GDPD1: variants seen among roughly 807,000 people sequenced by gnomAD.
GDPD1 encodes lysophospholipase D GDPD1.
A neutral mutation model predicts 45.1 loss-of-function variants in GDPD1; 28 were observed. The observed-to-expected ratio is 0.62, with a 90% CI of 0.46 to 0.85. The LOEUF (loss-of-function observed/expected upper bound fraction) is 0.85, where lower values mean the gene tolerates loss of function less well. GDPD1 is among the 40% of genes least tolerant of loss of function. The probability of loss-of-function intolerance (pLI) is 0.00; values close to 1 mark genes in which losing one functional copy is unlikely to be tolerated. For missense variants in GDPD1, 256 were observed against 364.8 expected (o/e 0.70, Z 2.43); for synonymous variants, 139 against 131.4 (o/e 1.06, Z -0.40).
At chr17:59,257,898 A>G in intron 6 of GDPD1, 58 bp downstream of exon 6, 1 of 1,130,934 alleles carries the variant, frequency 8.8e-7, no homozygotes, top group East Asian at 2.5e-5. Flanking sequence ...GTATCTACAA[A>G]TGATAAGTTA....
chr17:59,245,808 G>T (rs558156405), intron 3 of GDPD1, among the ~76,000 whole-genome samples: 6 of 152,014 alleles, frequency 3.9e-5, no homozygotes, highest in Non-Finnish European at 8.8e-5. Context: ...GACATAGCAA[G>T]ACTCCATCTT....
intron 6 of GDPD1, among the ~76,000 whole-genome samples, chr17:59,263,050 T>C (rs1351306399): frequency 6.6e-6 from 1 of 152,190 alleles, no homozygotes; most frequent in Non-Finnish European, 1.5e-5. Context: ...GAATAAATTA[T>C]GTAGTCTAAT....
chr17:59,238,801 C>CA (rs2047154393), intron 2 of GDPD1, among the ~76,000 whole-genome samples: 1 of 152,130 alleles, frequency 6.6e-6, no homozygotes, highest in Admixed American at 6.5e-5. Flanking sequence ...AATAGACACT[C>CA]ACTAGTTGCT....
At chr17:59,266,050 C>A (rs762775656) in intron 6 of GDPD1, among the ~76,000 whole-genome samples, 1 of 25,542 alleles carries the variant, frequency 3.9e-5, no homozygotes, top group Non-Finnish European at 7.6e-5. Context: ...TGCTGGGTGG[C>A]GGGGGGTGGG....
chr17:59,262,393 T>C (rs989705382), intron 6 of GDPD1, among the ~76,000 whole-genome samples: 2 of 152,208 alleles, frequency 1.3e-5, no homozygotes, highest in Admixed American at 6.5e-5. Flanking sequence ...TTCCATACAA[T>C]GGAATATTAT....
At chr17:59,253,065 TC>T (rs1397117270) in intron 4 of GDPD1, among the ~76,000 whole-genome samples, 2 of 152,174 alleles carry the variant, frequency 1.3e-5, no homozygotes, top group Non-Finnish European at 2.9e-5. Flanking sequence ...CCTTTTTTTT[TC>T]ATGGAAAACA....
At chr17:59,227,595 A>G (rs1306546978) in intron 1 of GDPD1, among the ~76,000 whole-genome samples, 1 of 152,080 alleles carries the variant, frequency 6.6e-6, no homozygotes, top group Non-Finnish European at 1.5e-5. Context: ...TTTACCAAGT[A>G]CCTATTCTTT....
rs1568343148 is a variant in GDPD1, at chr17:59,245,492, TGAG to T, written c.265_267del (p.Glu89del). 6.2e-7 allele frequency: 1 copy of T among 1,607,356 alleles called. No individual in the cohort carries two copies. Among genetic ancestry groups the T allele is most frequent in the Non-Finnish European group, 8.5e-7 (1 of 1,174,084 alleles). Reference sequence around the variant, plus strand: ...ATGAACAAGTTGTAGTGTCACATGATGAGAATCTAAAGAGAGCAACTGGGGTCA... The same window carrying T: ...ATGAACAAGTTGTAGTGTCACATGATAATCTAAAGAGAGCAACTGGGGTCA... On this transcript the variant is annotated inframe_deletion, in exon 3 of 10. Coordinates refer to ENST00000284116, the MANE Select transcript of GDPD1 (RefSeq NM_182569.4).
At position 59,275,224 on chromosome 17, in the gene GDPD1, T is replaced by C; in HGVS notation, c.*1451T>C. ...GTGTACCTTAGTTAAAGAGGAAAAA[T>C]AAAACGGAAAAAAGCTTGGAAATCA... On this transcript the variant is annotated 3_prime_UTR_variant, in exon 10 of 10. Transcript: ENST00000284116. 3 of 1,530,420 alleles carry C rather than the reference T, an allele frequency of 2.0e-6. No homozygotes were observed. The highest frequency in any genetic ancestry group is 2.6e-6 in the Non-Finnish European group (3 of 1,141,224). 94.8% of individuals were successfully genotyped at this position (1,530,420 alleles called of 1,614,324 possible). A position where few individuals can be genotyped will look rare whatever the true frequency, so the allele number is the denominator to read the frequency against.
chr17:59,229,167 A>ATTG (rs1228233158), intron 1 of GDPD1, among the ~76,000 whole-genome samples: 2 of 123,186 alleles, frequency 1.6e-5, no homozygotes, highest in Non-Finnish European at 1.8e-5. Flanking sequence ...TATTATTATT[A>ATTG]TTTTGAGACA....
In GDPD1 at chr17:59,275,432, T is replaced by C. The variant is rs910820729; in HGVS notation, c.*1659T>C. ...TGTGTAGCAATTCTACCATGTCCAT[T>C]TTTTTAAGCATTAAAAAGGAACTTA... On this transcript the variant is annotated 3_prime_UTR_variant, in exon 10 of 10. Transcript: ENST00000284116. 38 of 322,830 alleles carry C rather than the reference T, an allele frequency of 1.2e-4. No homozygotes were observed. Among genetic ancestry groups the C allele is most frequent in the African/African-American group, 6.8e-4 (32 of 47,162 alleles). The allele number at this position is 322,830 out of a possible 1,614,324, so 20.0% of individuals were successfully genotyped here. A position where few individuals can be genotyped will look rare whatever the true frequency, so the allele number is the denominator to read the frequency against.
intron 4 of GDPD1, among the ~76,000 whole-genome samples, chr17:59,249,879 G>A (rs962416250): frequency 2.6e-5 from 4 of 152,132 alleles, no homozygotes; most frequent in African/African-American, 4.8e-5. Context: ...TAACTGCTCC[G>A]TGAACTAGAT....
At chr17:59,252,177 G>C (rs1461993695) in intron 4 of GDPD1, among the ~76,000 whole-genome samples, 3 of 151,896 alleles carry the variant, frequency 2.0e-5, no homozygotes, top group Admixed American at 6.6e-5. Flanking sequence ...GATCACTTGA[G>C]GTTAGGAGTT....
Position 59,220,641 on chromosome 17 carries a change from C to G in GDPD1, c.32C>G (p.Ser11Cys), listed in dbSNP as rs764983930. 3.8e-5 allele frequency: 61 copies of G among 1,613,854 alleles called. No homozygotes were observed. Among genetic ancestry groups the G allele is most frequent in the Non-Finnish European group, 4.9e-5 (58 of 1,179,944 alleles). ...TCCACTGCGGCTTTTTACCTTCTCT[C>G]TACGCTAGGAGGATACTTGGTGACC... MSSTAAFYLLSTLGGYLVTSF... is the reference protein window; with the variant it reads MSSTAAFYLLCTLGGYLVTSF... The change falls in exon 1 of 10, where the codon TCT becomes TGT. Residue 11 changes from serine to cysteine, a missense_variant. Transcript: ENST00000284116.
At chr17:59,257,266 G>A (rs770955834) in intron 5 of GDPD1, 26 bp downstream of exon 5, 2 of 1,159,322 alleles carry the variant, frequency 1.7e-6, no homozygotes, top group Non-Finnish European at 2.5e-6. Context: ...CCTCCTCTGG[G>A]TGTGTTGCAT....
At position 59,257,787 on chromosome 17, in the gene GDPD1, T is replaced by C. The variant is rs1456112226; in HGVS notation, c.523T>C (p.Leu175=). 7 of 1,607,876 alleles carry C rather than the reference T, an allele frequency of 4.4e-6. No individual in the cohort carries two copies. Among genetic ancestry groups the C allele is most frequent in the Non-Finnish European group, 5.9e-6 (7 of 1,177,780 alleles). Residue 175 remains leucine, a synonymous_variant, in exon 6 of 10, where the codon TTA becomes CTA. Transcript: ENST00000284116. The stretch of plus-strand genomic sequence containing the variant: ...GGTGAAGCGGTATAATCGAGAACAC[T>C]TAACAGTGTGGGGTAATGCCAATTA... ...ELVKRYNREH[L]TVWGNANYEI... is the part of the protein sequence containing the mutation.
intron 2 of GDPD1, among the ~76,000 whole-genome samples, chr17:59,239,428 A>C (rs569593678): frequency 5.7e-4 from 86 of 152,140 alleles, no homozygotes; most frequent in African/African-American, 2.0e-3. Context: ...ACAGCTTGTC[A>C]GAAATTCAGC....
At chr17:59,221,612 C>T (rs2047005803) in intron 1 of GDPD1, among the ~76,000 whole-genome samples, 1 of 152,124 alleles carries the variant, frequency 6.6e-6, no homozygotes, top group South Asian at 2.1e-4. Flanking sequence ...GTAGTCCACC[C>T]TCTAATTTCC....
Position 59,220,532 on chromosome 17 carries a change from C to A in GDPD1, c.-78C>A. 1.3e-6 allele frequency: 2 copies of A among 1,508,912 alleles called. No homozygotes were observed. Among genetic ancestry groups the A allele is most frequent in the East Asian group, 2.3e-5 (1 of 42,946 alleles). 93.5% of individuals were successfully genotyped at this position (1,508,912 alleles called of 1,614,324 possible). On this transcript the variant is annotated 5_prime_UTR_variant, in exon 1 of 10. Transcript: ENST00000284116. The stretch of plus-strand genomic sequence containing the variant: ...GGGCGAGCCGACCTCGAGCAGCCGC[C>A]GCCGCCGCCGTCGTTGCTACTGCCG...
Sources: allele counts gnomAD v4.1 joint callset (sites outside exome capture counted in the v4.1 genomes callset), GRCh38; gene constraint gnomAD v4.1.1; transcripts MANE v1.5; gene names NCBI Gene and HGNC (gene_info 2026-07-23, HGNC 2026-07-21).